The following CDH26 variants were observed in gnomAD, a reference collection of about 807,000 sequenced individuals.
CDH26 encodes cadherin-like protein 26.
A neutral mutation model predicts 90.3 loss-of-function variants in CDH26; 83 were observed. That is an observed-to-expected ratio of 0.92 (90% confidence interval 0.77 to 1.10). CDH26 has a LOEUF of 1.10. Among genes scored for constraint, CDH26 ranks in the 50% least tolerant of loss-of-function variants. CDH26 has a pLI of 0.00. For missense variants in CDH26, 1,013 were observed against 1,037.6 expected, an observed-to-expected ratio of 0.98 and a Z score of 0.33; for synonymous variants, 397 against 396.3, an observed-to-expected ratio of 1.00 and a Z score of -0.02.
At position 59,980,545 on chromosome 20, in the gene CDH26, G is replaced by A. The variant is rs548406222; in HGVS notation, c.394-2378G>A. 1.1e-4 allele frequency among the ~76,000 whole-genome samples: 17 copies of A among 152,086 alleles called. No individual in the cohort carries two copies. The East Asian group carries it at 1.7e-3, about 16-fold the overall frequency. On this transcript the variant is annotated intron_variant, in intron 4 of 17. Coordinates refer to ENST00000348616, the MANE Select transcript of CDH26 (RefSeq NM_177980.4). ...ACTCCTGACCTCAGGTAATCCACCC[G>A]GCTAGGCCTCCCAAAGTGCTGGGAT...
At chr20:60,027,606 T>A (rs2062007676) in intron 7 of CDH26, among the ~76,000 whole-genome samples, 1 of 152,242 alleles carries the variant, frequency 6.6e-6, no homozygotes, top group East Asian at 1.9e-4. Flanking sequence ...AATGCATAGG[T>A]CTTAACTTCA....
At chr20:59,970,864 G>A (rs887788341) in intron 3 of CDH26, among the ~76,000 whole-genome samples, 2 of 151,640 alleles carry the variant, frequency 1.3e-5, no homozygotes, top group Admixed American at 6.6e-5. Context: ...AAGGGAGATT[G>A]TCTTAAAAAT....
chr20:60,001,230 T>C, intron 14 of CDH26, 113 bp from the exon 15 acceptor site: 2 of 1,286,624 alleles, frequency 1.6e-6, no homozygotes, highest in South Asian at 1.3e-5. Context: ...TAATTTGTGT[T>C]TGCCTATGAA....
rs1478960313 is a variant in CDH26, at chr20:59,994,257, A to AC, written c.1436dup (p.Gln480AlafsTer13). On this transcript the variant is annotated frameshift_variant, in exon 11 of 18. Transcript: ENST00000348616. LOFTEE classifies it high-confidence loss of function. ...ACTTCCTCCCCATACAAGGCTTCCCACCGCAGACTGCTACAGGGACCCTAA... is the reference window on the plus strand; with the variant it reads ...ACTTCCTCCCCATACAAGGCTTCCCACCCGCAGACTGCTACAGGGACCCTAA... The AC allele has an allele frequency of 8.7e-6, 14 of 1,613,642 alleles. No individual in the cohort carries two copies. The highest frequency in any genetic ancestry group is 1.3e-5 in the African/African-American group (1 of 74,760).
chr20:60,022,313 A>G (rs557128116), intron 7 of CDH26, among the ~76,000 whole-genome samples: 1 of 152,250 alleles, frequency 6.6e-6, no homozygotes, highest in African/African-American at 2.4e-5. Context: ...ATGTGATTTT[A>G]TTATGAACAT....
In CDH26 at chr20:59,970,018, G is replaced by C; in HGVS notation, c.127-64G>C. 3 of 1,574,954 alleles carry C rather than the reference G, an allele frequency of 1.9e-6. No homozygotes were observed. In the South Asian group the frequency reaches 3.6e-5, roughly 19 times the overall value. ...GGGCCTTTACATGAAGTAAGGGTGT[G>C]ATAAATCCTGGCTGTGAGCATCACT... On this transcript the variant is annotated intron_variant, in intron 2 of 17. Transcript: ENST00000348616.
intron 10 of CDH26, among the ~76,000 whole-genome samples, chr20:59,994,004 C>T (rs767263141): frequency 6.6e-6 from 1 of 152,134 alleles, no homozygotes; most frequent in Non-Finnish European, 1.5e-5. Flanking sequence ...TTTAATGAAG[C>T]CACATTCTAC....
In CDH26 at chr20:60,002,814, G is replaced by T; in HGVS notation, c.2168G>T (p.Gly723Val). ...AQARCALGSWGYGKPFEPRSV... is the reference protein window; with the variant it reads ...AQARCALGSWVYGKPFEPRSV... ...GTAAATATTTCATCTTTCTTTAAGGGTTATGGCAAGCCCTTTGAGCCAAGA... is the reference window on the plus strand; with the variant it reads ...GTAAATATTTCATCTTTCTTTAAGGTTTATGGCAAGCCCTTTGAGCCAAGA... Residue 723 changes from glycine to valine, a missense_variant and splice_region_variant, in exon 16 of 18, where the codon GGT (glycine) becomes GTT (valine). By Grantham distance (109) the Gly-to-Val change is moderately radical (BLOSUM62 -3). Coordinates refer to ENST00000348616, the MANE Select transcript of CDH26 (RefSeq NM_177980.4). 1 of 1,597,788 alleles carries T rather than the reference G, an allele frequency of 6.3e-7. No individual in the cohort carries two copies. Among genetic ancestry groups the T allele is most frequent in the Non-Finnish European group, 8.5e-7 (1 of 1,170,014 alleles).
chr20:59,990,150 A>G (rs1349370980), intron 9 of CDH26, among the ~76,000 whole-genome samples: 1 of 152,162 alleles, frequency 6.6e-6, no homozygotes, highest in East Asian at 1.9e-4. Context: ...CACTTTGCAT[A>G]ATGTCCTCAA....
chr20:60,004,762 T>C (rs6100684), intron 16 of CDH26, among the ~76,000 whole-genome samples: 7,201 of 100,824 alleles, frequency 0.071, 707 homozygotes, highest in African/African-American at 0.28. Flanking sequence ...CGAGACTCCA[T>C]CTCAAAAAAA....
chr20:60,016,697 T>C (rs753375105), downstream of CDH26, among the ~76,000 whole-genome samples: 2 of 152,080 alleles, frequency 1.3e-5, no homozygotes, highest in Non-Finnish European at 2.9e-5. Flanking sequence ...TTCCAGTCCT[T>C]AGGGGAATAG....
intron 1 of CDH26, among the ~76,000 whole-genome samples, chr20:59,960,759 A>G (rs1261228737): frequency 6.6e-6 from 1 of 152,128 alleles, no homozygotes; most frequent in Admixed American, 6.5e-5. Flanking sequence ...ACATATTCCC[A>G]TGGATATGTC....
intron 7 of CDH26, among the ~76,000 whole-genome samples, chr20:60,026,439 G>T (rs2061998784): frequency 1.4e-5 from 2 of 146,656 alleles, no homozygotes; most frequent in South Asian, 4.4e-4. Flanking sequence ...AGAAGAGGAG[G>T]CAGAAGGGAG....
Position 59,970,549 on chromosome 20 carries a change from G to A in CDH26, c.231+363G>A, listed in dbSNP as rs946859528. 7.3e-5 allele frequency among the ~76,000 whole-genome samples: 11 copies of A among 150,752 alleles called. No individual in the cohort carries two copies. In the East Asian group the frequency reaches 7.8e-4, roughly 11 times the overall value. ...TTGTCGGCCAGGCGCGGTGGCTCAC[G>A]CCTGTAATCCCAGCACTTTGGGAGG... On this transcript the variant is annotated intron_variant, in intron 3 of 17. Transcript: ENST00000348616.
rs757813328 is a variant in CDH26 at position 60,021,849 on chromosome 20, T to TACACACACAC, written c.948-9342_948-9333dup. Among the ~76,000 whole-genome samples the TACACACACAC allele has an allele frequency of 5.2e-4, 22 of 42,618 alleles. 1 individual carries two copies. Among genetic ancestry groups the TACACACACAC allele is most frequent in the African/African-American group, 7.8e-4 (12 of 15,470 alleles). The allele number at this position is 42,618 out of a possible 152,430, so 28.0% of individuals were successfully genotyped here. A position where few individuals can be genotyped will look rare whatever the true frequency, so the allele number is the denominator to read the frequency against. ...ATTTTGAAGCCGATATCCTTATCTG[T>TACACACACAC]ACACACACACACACACACACACACA... is the stretch of plus-strand genomic sequence containing the variant. On this transcript the variant is annotated intron_variant, in intron 7 of 8. Coordinates refer to the CDH26 transcript ENST00000370991.
intron 1 of CDH26, among the ~76,000 whole-genome samples, chr20:59,963,963 G>T (rs1450974041): frequency 6.6e-6 from 1 of 152,020 alleles, no homozygotes; most frequent in Non-Finnish European, 1.5e-5. Context: ...AGGACTCGTC[G>T]GCTCTCAGAA....
At chr20:60,001,019 C>A (rs2061668880) in intron 14 of CDH26, among the ~76,000 whole-genome samples, 1 of 152,178 alleles carries the variant, frequency 6.6e-6, no homozygotes, top group Non-Finnish European at 1.5e-5. Flanking sequence ...TAAACAGTTT[C>A]ACCTGTGAGT....
rs1372749826 is a variant in CDH26, at chr20:60,025,233, A to G, written c.948-5998A>G. Reference sequence around the variant, plus strand: ...TGTGGCCTAAAAAACAAACCAATAAATAGAAAACCACTGATGCATAAACGT... The same window carrying G: ...TGTGGCCTAAAAAACAAACCAATAAGTAGAAAACCACTGATGCATAAACGT... On this transcript the variant is annotated intron_variant, in intron 7 of 8. Transcript: ENST00000370991. 2.9e-4 allele frequency among the ~76,000 whole-genome samples: 44 copies of G among 152,228 alleles called. 2 individuals carry two copies. The highest frequency in any genetic ancestry group is 2.8e-3 in the Admixed American group (43 of 15,292).
intron 7 of CDH26, among the ~76,000 whole-genome samples, chr20:59,987,052 A>T (rs912391598): frequency 6.6e-6 from 1 of 152,248 alleles, no homozygotes; most frequent in African/African-American, 2.4e-5. Flanking sequence ...TAGAAAAATG[A>T]TCACCTTAAT....
Sources: gnomAD v4.1 joint callset for allele counts (sites outside exome capture counted in the v4.1 genomes callset) on GRCh38, gnomAD v4.1.1 for gene constraint, MANE v1.5 for transcripts, NCBI Gene and HGNC (gene_info 2026-07-23, HGNC 2026-07-21) for gene names.